NTRK2: variants seen among roughly 807,000 people sequenced by gnomAD.
NTRK2 encodes the protein BDNF/NT-3 growth factors receptor.
NTRK2 carries 13 observed loss-of-function variants against 94.5 expected under a neutral mutation model. The observed-to-expected ratio is 0.14, with a 90% CI of 0.09 to 0.22. The LOEUF is 0.22. NTRK2 is among the 10% of genes least tolerant of loss of function. NTRK2 has a pLI of 1.00. For synonymous variants in NTRK2, 372 were observed against 407.4 expected (o/e 0.91, Z 1.05); for missense variants, 639 against 1,071.2 (o/e 0.60, Z 5.63).
intron 15 of NTRK2, among the ~76,000 whole-genome samples, chr9:84,939,084 A>C (rs1034694862): frequency 1.3e-5 from 2 of 151,348 alleles, no homozygotes; most frequent in African/African-American, 4.8e-5. Context: ...AAAGAAAAGA[A>C]AAAAAAAGAG....
intron 12 of NTRK2, among the ~76,000 whole-genome samples, chr9:84,799,303 A>AT (rs2070086845): frequency 6.6e-6 from 1 of 152,118 alleles, no homozygotes; most frequent in Non-Finnish European, 1.5e-5. Context: ...CCTAAGTCAG[A>AT]TAAAAAAAAA....
intron 17 of NTRK2, among the ~76,000 whole-genome samples, chr9:84,987,037 C>T (rs1341562101): frequency 6.6e-6 from 1 of 152,176 alleles, no homozygotes; most frequent in Non-Finnish European, 1.5e-5. Flanking sequence ...GAAAATCACA[C>T]CTGCTCCTAT....
rs757253032 is a variant in NTRK2, at chr9:84,742,789, G to GTTTTT, written c.1195+885_1195+889dup. 1.1e-3 allele frequency among the ~76,000 whole-genome samples: 114 copies of GTTTTT among 103,668 alleles called. 2 individuals carry two copies. The highest frequency in any genetic ancestry group is 1.9e-3 in the East Asian group (7 of 3,590). The allele number at this position is 103,668 out of a possible 152,430, so 68.0% of individuals were successfully genotyped here. A position where few individuals can be genotyped will look rare whatever the true frequency, so the allele number is the denominator to read the frequency against. Reference sequence around the variant, plus strand: ...AAAGAAACCAAAGTCCATTATATTAGTTTTTTTTTTTTTTTTTTTTTTTTT... The same window carrying GTTTTT: ...AAAGAAACCAAAGTCCATTATATTAGTTTTTTTTTTTTTTTTTTTTTTTTTTTTTT... On this transcript the variant is annotated intron_variant, in intron 10 of 18. Transcript: ENST00000277120.
At chr9:85,016,983 T>G (rs1041580056) in intron 17 of NTRK2, among the ~76,000 whole-genome samples, 2 of 152,186 alleles carry the variant, frequency 1.3e-5, no homozygotes, top group African/African-American at 4.8e-5. Flanking sequence ...CTCTCTCTTC[T>G]TTAAAGGAAA....
chr9:84,787,463 T>G (rs1368270305), intron 12 of NTRK2, among the ~76,000 whole-genome samples: 1 of 152,112 alleles, frequency 6.6e-6, no homozygotes, highest in South Asian at 2.1e-4. Context: ...TCTTTATTCA[T>G]CCATAAAATT....
At chr9:84,855,581 ATTT>A (rs377152273) in intron 12 of NTRK2, among the ~76,000 whole-genome samples, 7 of 133,682 alleles carry the variant, frequency 5.2e-5, no homozygotes, top group African/African-American at 8.3e-5. Context: ...CCTCAAGCAT[ATTT>A]TTTTTTTTTT....
chr9:84,817,967 C>T (rs1468934568), intron 12 of NTRK2, among the ~76,000 whole-genome samples: 2 of 151,872 alleles, frequency 1.3e-5, no homozygotes, highest in Non-Finnish European at 2.9e-5. Flanking sequence ...GTATTTCTAG[C>T]ACTTAATTTA....
intron 12 of NTRK2, among the ~76,000 whole-genome samples, chr9:84,802,217 A>G (rs2070558889): frequency 6.6e-6 from 1 of 152,218 alleles, no homozygotes; most frequent in African/African-American, 2.4e-5. Flanking sequence ...TAGCATGGTC[A>G]CCATAATTTC....
chr9:84,815,702 A>G (rs1007907292), intron 12 of NTRK2: 13 of 1,009,228 alleles, frequency 1.3e-5, no homozygotes, highest in Non-Finnish European at 1.5e-5. Context: ...TTGATAATTC[A>G]TCTCCATGTG....
chr9:84,867,538 G>A (rs1331755594), intron 14 of NTRK2, 107 bp downstream of exon 14: 3 of 978,006 alleles, frequency 3.1e-6, no homozygotes, highest in Admixed American at 1.7e-5. Flanking sequence ...ACAGGGTGCA[G>A]TGAAATGTTT....
At chr9:85,015,726 T>C (rs1832146988) in intron 17 of NTRK2, among the ~76,000 whole-genome samples, 1 of 152,176 alleles carries the variant, frequency 6.6e-6, no homozygotes, top group African/African-American at 2.4e-5. Flanking sequence ...GAGAGTTTTT[T>C]CTTGAAGTGG....
chr9:84,755,105 AT>A (rs1400723186), intron 12 of NTRK2, among the ~76,000 whole-genome samples: 1 of 152,200 alleles, frequency 6.6e-6, no homozygotes, highest in Non-Finnish European at 1.5e-5. Context: ...TGGGGAGGTG[AT>A]TTCTAAATTC....
At chr9:84,924,183 C>A (rs1295325249) in intron 14 of NTRK2, among the ~76,000 whole-genome samples, 1 of 148,778 alleles carries the variant, frequency 6.7e-6, no homozygotes, top group South Asian at 2.1e-4. Context: ...CTGCACTGCA[C>A]TCCAGCCTGT....
intron 14 of NTRK2, among the ~76,000 whole-genome samples, chr9:84,903,694 TTTCCTTCC>T (rs370127045): frequency 5.9e-5 from 9 of 152,052 alleles, no homozygotes; most frequent in African/African-American, 2.2e-4. Flanking sequence ...TCTTTTCTTT[TTTCCTTCC>T]TTCCTTCCTT....
intron 12 of NTRK2, among the ~76,000 whole-genome samples, chr9:84,775,789 G>A (rs1409631831): frequency 1.3e-5 from 2 of 152,060 alleles, no homozygotes; most frequent in Non-Finnish European, 2.9e-5. Context: ...GTGGTCCTTG[G>A]ACCAATATCA....
chr9:84,986,201 C>T (rs991683340), intron 17 of NTRK2, among the ~76,000 whole-genome samples: 1 of 152,118 alleles, frequency 6.6e-6, no homozygotes, highest in African/African-American at 2.4e-5. Flanking sequence ...CCCGCTGCCC[C>T]CCGACCCCTG....
chr9:84,872,525 T>C, intron 14 of NTRK2: 1 of 1,066,432 alleles, frequency 9.4e-7, no homozygotes, highest in Non-Finnish European at 1.1e-6. Flanking sequence ...CTGGATGTGT[T>C]TGTACTTGCA....
At chr9:84,970,083 C>A (rs1363139725) in intron 17 of NTRK2, among the ~76,000 whole-genome samples, 1 of 152,138 alleles carries the variant, frequency 6.6e-6, no homozygotes, top group Non-Finnish European at 1.5e-5. Flanking sequence ...AACACTATTT[C>A]TTCAACTTTT....
chr9:84,786,414 G>A (rs1157744637), intron 12 of NTRK2, among the ~76,000 whole-genome samples: 1 of 152,060 alleles, frequency 6.6e-6, no homozygotes, highest in East Asian at 1.9e-4. Context: ...CAGGATCCAA[G>A]CCTAGGCTTA....
Sources: allele counts gnomAD v4.1 joint callset (sites outside exome capture counted in the v4.1 genomes callset), GRCh38; gene constraint gnomAD v4.1.1; transcripts MANE v1.5; gene names NCBI Gene and HGNC (gene_info 2026-07-23, HGNC 2026-07-21).